ARAP2: variants seen among roughly 807,000 people sequenced by gnomAD.
ARAP2 encodes arf-GAP with Rho-GAP domain, ANK repeat and PH domain-containing protein 2.
Under a neutral mutation model 194.5 loss-of-function variants are expected in ARAP2, and 148 were observed. The ratio of observed to expected loss-of-function variants is 0.76; its 90% CI spans 0.67 to 0.87. ARAP2 has a LOEUF of 0.87. Among genes scored for constraint, ARAP2 ranks in the 40% least tolerant of loss-of-function variants. The pLI, the probability that ARAP2 is intolerant of heterozygous loss-of-function variation, is 0.00. For missense variants in ARAP2, 2,128 were observed against 1,989.7 expected, an observed-to-expected ratio of 1.07 and a Z score of -1.32; for synonymous variants, 695 against 683.5, an observed-to-expected ratio of 1.02 and a Z score of -0.26.
At chr4:36,039,661 A>G (rs1174871514) in intron 5 of ARAP2, among the ~76,000 whole-genome samples, 2 of 152,146 alleles carry the variant, frequency 1.3e-5, no homozygotes, top group Admixed American at 6.6e-5. Context: ...AGCCCTTCCC[A>G]TTAAAACGAT....
Position 36,193,564 on chromosome 4 carries a change from T to C in ARAP2, c.1557+14A>G, listed in dbSNP as rs752219466. On this transcript the variant is annotated intron_variant, in intron 7 of 32. Coordinates refer to ENST00000303965, the MANE Select transcript of ARAP2 (RefSeq NM_015230.4). ...ATAAAAAAGCAATTTTTGAAAACTG[T>C]AAAATGTATTTACCTTCTCATTATT... The C allele has an allele frequency of 1.9e-6, 3 of 1,554,616 alleles. No homozygotes were observed. The South Asian group carries it at 3.9e-5, about 20-fold the overall frequency.
At chr4:36,197,865 C>T (rs1743467326) in intron 6 of ARAP2, among the ~76,000 whole-genome samples, 1 of 152,120 alleles carries the variant, frequency 6.6e-6, no homozygotes, top group East Asian at 1.9e-4. Flanking sequence ...AAGCTTGAGA[C>T]TCCAGGAACT....
At chr4:36,053,251 G>A (rs939598655) in intron 2 of ARAP2, among the ~76,000 whole-genome samples, 12 of 151,696 alleles carry the variant, frequency 7.9e-5, no homozygotes, top group Admixed American at 2.0e-4. Context: ...TGATCCACCC[G>A]CCTTGGCCTC....
chr4:36,157,729 C>T (rs1261541585), intron 15 of ARAP2, among the ~76,000 whole-genome samples: 1 of 152,158 alleles, frequency 6.6e-6, no homozygotes. Flanking sequence ...CACTACAGGA[C>T]AGCTATTCTT....
At chr4:36,197,157 G>A (rs80219686) in intron 6 of ARAP2, among the ~76,000 whole-genome samples, 34,605 of 151,436 alleles carry the variant, frequency 0.23, 5,081 homozygotes, top group Middle Eastern at 0.34. Context: ...ACATACTTAT[G>A]GGGTAAATGT....
At chr4:36,098,171 C>T (rs1376633690) in intron 27 of ARAP2, among the ~76,000 whole-genome samples, 2 of 152,022 alleles carry the variant, frequency 1.3e-5, no homozygotes, top group Non-Finnish European at 1.5e-5. Context: ...GTGGAGGAGG[C>T]TGGGGTTGAG....
intron 2 of ARAP2, among the ~76,000 whole-genome samples, chr4:36,056,187 A>T (rs1324189304): frequency 6.6e-6 from 1 of 152,230 alleles, no homozygotes; most frequent in Admixed American, 6.5e-5. Context: ...CAATGTAACC[A>T]TTTGTATAAA....
chr4:36,081,391 C>T (rs1490417066), intron 30 of ARAP2, among the ~76,000 whole-genome samples: 1 of 152,092 alleles, frequency 6.6e-6, no homozygotes, highest in Non-Finnish European at 1.5e-5. Flanking sequence ...GTAGAGGGAC[C>T]ATGTACATCA....
intron 22 of ARAP2, among the ~76,000 whole-genome samples, chr4:36,123,540 C>T (rs894624755): frequency 5.9e-5 from 9 of 151,648 alleles, no homozygotes; most frequent in African/African-American, 1.7e-4. Context: ...TCTTCCTTTA[C>T]TTCTCTGCTC....
intron 1 of ARAP2, among the ~76,000 whole-genome samples, chr4:36,242,286 C>T (rs1196869830): frequency 6.6e-6 from 1 of 152,132 alleles, no homozygotes; most frequent in Non-Finnish European, 1.5e-5. Flanking sequence ...TACAATGTAG[C>T]ATGTGCAAAG....
intron 10 of ARAP2, 54 bp downstream of exon 10, chr4:36,166,878 T>C: frequency 9.3e-7 from 1 of 1,072,754 alleles, no homozygotes; most frequent in South Asian, 1.7e-5. Flanking sequence ...TAAAGGTGGA[T>C]CACCCAAGCT....
chr4:36,083,801 G>T (rs1390197390), intron 28 of ARAP2, among the ~76,000 whole-genome samples: 1 of 152,132 alleles, frequency 6.6e-6, no homozygotes, highest in East Asian at 1.9e-4. Flanking sequence ...ATTGAAGGAT[G>T]CAAGGTATTG....
intron 2 of ARAP2, among the ~76,000 whole-genome samples, chr4:36,226,357 T>C (rs1750303859): frequency 6.6e-6 from 1 of 152,122 alleles, no homozygotes; most frequent in Non-Finnish European, 1.5e-5. Context: ...TATTGGAAAA[T>C]AACAGGTGTA....
Position 36,167,034 on chromosome 4 carries a change from C to T in ARAP2, c.1871G>A (p.Gly624Glu). Residue 624 changes from glycine to glutamate, a missense_variant, in exon 10 of 33, where the codon GGA becomes GAA. Coordinates refer to ENST00000303965, the MANE Select transcript of ARAP2 (RefSeq NM_015230.4). ...CATAGGAATTATGGTAATACCAAGT[C>T]CACTCTTAAAATCCTAGTTTGGAGA... is the stretch of plus-strand genomic sequence containing the variant. ...LCKNEQDFKS[G>E]LGITIIPMNV... 6.4e-7 allele frequency: 1 copy of T among 1,566,352 alleles called. No individual in the cohort carries two copies. The highest frequency in any genetic ancestry group is 8.6e-7 in the Non-Finnish European group (1 of 1,156,894).
intron 28 of ARAP2, among the ~76,000 whole-genome samples, chr4:36,086,314 A>G (rs538390882): frequency 1.3e-5 from 2 of 152,188 alleles, no homozygotes; most frequent in South Asian, 4.1e-4. Flanking sequence ...CATTTTGAAA[A>G]ACTTTTGGTA....
At chr4:36,087,760 T>G (rs992289841) in intron 28 of ARAP2, among the ~76,000 whole-genome samples, 3 of 152,244 alleles carry the variant, frequency 2.0e-5, no homozygotes, top group Middle Eastern at 3.4e-3. Context: ...AAAGTAAACT[T>G]ACTCTCTACA....
chr4:36,160,326 G>T, intron 13 of ARAP2, 133 bp downstream of exon 13: 1 of 1,231,238 alleles, frequency 8.1e-7, no homozygotes, highest in Non-Finnish European at 1.0e-6. Context: ...CTGAAATAAT[G>T]TCACAAAAGG....
chr4:36,084,520 C>T (rs765174556), intron 28 of ARAP2, among the ~76,000 whole-genome samples: 3 of 151,996 alleles, frequency 2.0e-5, no homozygotes, highest in Non-Finnish European at 2.9e-5. Context: ...TATATGAACA[C>T]ATATTGAGGT....
intron 2 of ARAP2, among the ~76,000 whole-genome samples, chr4:36,220,390 A>G (rs1748884990): frequency 6.6e-6 from 1 of 152,148 alleles, no homozygotes; most frequent in African/African-American, 2.4e-5. Flanking sequence ...CACGTTATTC[A>G]TGTTTGTGGT....
Sources: allele counts gnomAD v4.1 joint callset (sites outside exome capture counted in the v4.1 genomes callset), GRCh38; gene constraint gnomAD v4.1.1; transcripts MANE v1.5; gene names NCBI Gene and HGNC (gene_info 2026-07-23, HGNC 2026-07-21).